The following NXPE2 variants were observed in gnomAD, a reference collection of about 807,000 sequenced individuals.
NXPE2 encodes the protein neurexophilin and PC-esterase domain family member 2.
In NXPE2, 34 loss-of-function variants were observed where a neutral mutation model predicts 34.4. That is an observed-to-expected ratio of 0.99 (90% CI 0.75 to 1.31). The LOEUF (loss-of-function observed/expected upper bound fraction) is 1.31. NXPE2 is among the 40% of genes most tolerant of loss of function. NXPE2 has a pLI of 0.00. For missense variants in NXPE2, 649 were observed against 672.5 expected (o/e 0.97, Z 0.39); for synonymous variants, 235 against 231.3 (o/e 1.02, Z -0.15).
At chr11:114,710,305 C>T (rs1239795338), downstream of NXPE2, among the ~76,000 whole-genome samples, 1 of 151,902 alleles carries the variant, frequency 6.6e-6, no homozygotes, top group African/African-American at 2.4e-5. Flanking sequence ...ATCAAAAAAA[C>T]TAAGAGTTGG....
chr11:114,525,970 G>A, the NXPE2 span, among the ~76,000 whole-genome samples: 1 of 152,162 alleles, frequency 6.6e-6, no homozygotes, highest in Non-Finnish European at 1.5e-5. Flanking sequence ...TATGACCAGG[G>A]TATGGCCTTT....
chr11:114,645,123 G>A, the NXPE2 span, among the ~76,000 whole-genome samples: 4 of 152,020 alleles, frequency 2.6e-5, no homozygotes, highest in African/African-American at 9.6e-5. Context: ...CCAACATGGT[G>A]AAACCCCATC....
At chr11:114,471,694 A>G in the NXPE2 span, among the ~76,000 whole-genome samples, 12 of 152,262 alleles carry the variant, frequency 7.9e-5, no homozygotes, top group South Asian at 1.2e-3. Flanking sequence ...GTCATTTCCT[A>G]TTGGTTGGTA....
chr11:114,582,475 C>G, the NXPE2 span: 1 of 1,614,156 alleles, frequency 6.2e-7, no homozygotes, highest in Non-Finnish European at 8.5e-7. Context: ...TCAGAGTGGA[C>G]TTGGGAAGTG....
At chr11:114,519,127 G>A in the NXPE2 span, among the ~76,000 whole-genome samples, 2 of 152,090 alleles carry the variant, frequency 1.3e-5, no homozygotes, top group Non-Finnish European at 2.9e-5. Flanking sequence ...AGCCACACAC[G>A]TTTTATGAGC....
At chr11:114,720,632 AAC>A in the NXPE2 span, among the ~76,000 whole-genome samples, 1 of 151,902 alleles carries the variant, frequency 6.6e-6, no homozygotes, top group African/African-American at 2.4e-5. Context: ...AAAGCAAAAA[AAC>A]ACCAGAATAT....
the NXPE2 span, among the ~76,000 whole-genome samples, chr11:114,812,635 G>C: frequency 1.2e-3 from 176 of 152,292 alleles, no homozygotes; most frequent in African/African-American, 4.2e-3. Context: ...AACCTGGTCT[G>C]GTAGGTTTTG....
the NXPE2 span, among the ~76,000 whole-genome samples, chr11:114,613,287 A>G: frequency 6.7e-6 from 1 of 150,038 alleles, no homozygotes; most frequent in Non-Finnish European, 1.5e-5. Flanking sequence ...CACTGTTACT[A>G]GGTGGATAAT....
the NXPE2 span, among the ~76,000 whole-genome samples, chr11:114,508,771 G>A: frequency 6.6e-6 from 1 of 152,112 alleles, no homozygotes. Flanking sequence ...ATCTTTAAAT[G>A]TAAAACCCCA....
chr11:114,581,818 A>C, the NXPE2 span: 3 of 1,490,182 alleles, frequency 2.0e-6, no homozygotes, highest in Non-Finnish European at 1.9e-6. Flanking sequence ...ATTAATCTGT[A>C]GGTGGCCTCA....
chr11:114,690,109 T>C (rs1376224671), intron 2 of NXPE2, among the ~76,000 whole-genome samples: 1 of 152,174 alleles, frequency 6.6e-6, no homozygotes, highest in African/African-American at 2.4e-5. Context: ...ATAATTGATA[T>C]GTAAGGTTTT....
the NXPE2 span, among the ~76,000 whole-genome samples, chr11:114,747,279 C>T: frequency 1.3e-5 from 2 of 151,128 alleles, no homozygotes; most frequent in Non-Finnish European, 1.5e-5. Context: ...GGACCCAGGC[C>T]GATAGAGAAC....
At chr11:114,700,224 C>T (rs189391707) in intron 3 of NXPE2, among the ~76,000 whole-genome samples, 1,566 of 152,186 alleles carry the variant, frequency 0.01, 31 homozygotes, top group Non-Finnish European at 8.8e-3. Flanking sequence ...CTATTTCCTC[C>T]GTAAAAGCTT....
the NXPE2 span, among the ~76,000 whole-genome samples, chr11:114,521,112 T>C: frequency 7.2e-5 from 11 of 152,210 alleles, no homozygotes; most frequent in Non-Finnish European, 1.3e-4. Flanking sequence ...TAGCTGTAAT[T>C]CTTCCAAAAA....
At chr11:114,487,775 C>T in the NXPE2 span, among the ~76,000 whole-genome samples, 2 of 151,948 alleles carry the variant, frequency 1.3e-5, no homozygotes, top group South Asian at 2.1e-4. Flanking sequence ...TTGAAGTGAT[C>T]GTATGGTTTT....
chr11:114,488,180 C>G, the NXPE2 span, among the ~76,000 whole-genome samples: 1 of 152,098 alleles, frequency 6.6e-6, no homozygotes, highest in Admixed American at 6.6e-5. Context: ...AATATTATTA[C>G]TTGTGATTGG....
chr11:114,549,515 C>T, the NXPE2 span, among the ~76,000 whole-genome samples: 1 of 151,936 alleles, frequency 6.6e-6, no homozygotes, highest in African/African-American at 2.4e-5. Context: ...CATAAAAGCA[C>T]AATAGGACTT....
the NXPE2 span, among the ~76,000 whole-genome samples, chr11:114,728,948 CA>C: frequency 3.9e-5 from 6 of 151,900 alleles, no homozygotes; most frequent in African/African-American, 7.2e-5. Context: ...ATTTTAGATT[CA>C]GGGGGTATAT....
At chr11:114,733,376 A>T in the NXPE2 span, among the ~76,000 whole-genome samples, 1 of 152,176 alleles carries the variant, frequency 6.6e-6, no homozygotes, top group Admixed American at 6.5e-5. Flanking sequence ...TACAGGCGTG[A>T]GCCACCGTGC....
Sources: gnomAD v4.1 joint callset for allele counts (sites outside exome capture counted in the v4.1 genomes callset) on GRCh38, gnomAD v4.1.1 for gene constraint, MANE v1.5 for transcripts, NCBI Gene and HGNC (gene_info 2026-07-23, HGNC 2026-07-21) for gene names.